Variants in SGCZ observed in about 807,000 individuals in gnomAD.
SGCZ encodes the protein sarcoglycan zeta.
In SGCZ, 40 loss-of-function variants were observed where a neutral mutation model predicts 41.3. That is an observed-to-expected ratio of 0.97 (90% CI 0.75 to 1.26). The LOEUF (loss-of-function observed/expected upper bound fraction) is 1.26, where lower values mean the gene tolerates loss of function less well. Ranked by LOEUF, SGCZ falls within the 50% of genes most tolerant of loss-of-function variation. SGCZ has a pLI of 0.00. For synonymous variants in SGCZ, 206 were observed against 137.5 expected (o/e 1.50, Z -3.49); for missense variants, 552 against 369.8 (o/e 1.49, Z -4.04).
chr8:14,706,164 G>C (rs949698260), intron 1 of SGCZ, among the ~76,000 whole-genome samples: 4 of 151,450 alleles, frequency 2.6e-5, no homozygotes, highest in African/African-American at 4.9e-5. Context: ...CTGTAAATTA[G>C]GAATATATCA....
chr8:14,768,838 G>T (rs1800131528), intron 1 of SGCZ, among the ~76,000 whole-genome samples: 1 of 151,964 alleles, frequency 6.6e-6, no homozygotes, highest in Non-Finnish European at 1.5e-5. Flanking sequence ...ATGGTACCCA[G>T]TAAGTCAGTC....
Position 14,406,162 on chromosome 8 carries a change from G to A in SGCZ, c.235-81958C>T, listed in dbSNP as rs1043103714. Among the ~76,000 whole-genome samples, 5 of 152,086 alleles carry A rather than the reference G, an allele frequency of 3.3e-5. No homozygotes were observed. The South Asian group carries it at 1.0e-3, about 32-fold the overall frequency. ...ACATATCAAGCTTATGCTTTCTGCA[G>A]AGAAGGCTTTGCCTTAATTTCTGCA... On this transcript the variant is annotated intron_variant, in intron 2 of 7. Coordinates refer to ENST00000382080, the MANE Select transcript of SGCZ (RefSeq NM_139167.4).
intron 3 of SGCZ, among the ~76,000 whole-genome samples, chr8:14,245,961 G>A (rs1036892830): frequency 8.5e-5 from 13 of 152,180 alleles, no homozygotes; most frequent in East Asian, 3.9e-4. Flanking sequence ...GTGCTGGAGA[G>A]GATGTGGAAA....
At chr8:15,153,520 C>T (rs920607468) in intron 1 of SGCZ, among the ~76,000 whole-genome samples, 5 of 152,022 alleles carry the variant, frequency 3.3e-5, no homozygotes, top group Non-Finnish European at 5.9e-5. Context: ...GAAATGTAAC[C>T]CCCAATGATG....
chr8:14,501,797 A>T (rs1043638507), intron 2 of SGCZ, among the ~76,000 whole-genome samples: 5 of 152,126 alleles, frequency 3.3e-5, no homozygotes, highest in Non-Finnish European at 5.9e-5. Flanking sequence ...CAACTCCAAA[A>T]TTTTAACCCA....
At chr8:15,208,940 T>G (rs1326753764) in intron 1 of SGCZ, among the ~76,000 whole-genome samples, 1 of 151,764 alleles carries the variant, frequency 6.6e-6, no homozygotes. Flanking sequence ...CCTAATACTA[T>G]CTAAAAGGAT....
intron 5 of SGCZ, among the ~76,000 whole-genome samples, chr8:14,118,755 G>T (rs2117029781): frequency 6.6e-6 from 1 of 152,198 alleles, no homozygotes; most frequent in South Asian, 2.1e-4. Context: ...GCTAGGAAAG[G>T]GTCCAGTGTC....
intron 1 of SGCZ, among the ~76,000 whole-genome samples, chr8:14,616,162 A>G (rs1480218559): frequency 3.3e-5 from 5 of 152,030 alleles, no homozygotes; most frequent in African/African-American, 1.2e-4. Context: ...GGGCGCCTCT[A>G]GTCCCAGCTA....
At chr8:15,233,416 A>T (rs1802021744) in intron 1 of SGCZ, among the ~76,000 whole-genome samples, 1 of 151,638 alleles carries the variant, frequency 6.6e-6, no homozygotes, top group African/African-American at 2.4e-5. Flanking sequence ...AGATGAATGT[A>T]CTATGACATT....
At chr8:14,315,693 C>T (rs537804559) in intron 3 of SGCZ, among the ~76,000 whole-genome samples, 1 of 151,456 alleles carries the variant, frequency 6.6e-6, no homozygotes, top group South Asian at 2.1e-4. Flanking sequence ...TTACTTGAAA[C>T]AGAAAATATT....
At chr8:14,408,411 A>ACC (rs1378043651) in intron 2 of SGCZ, among the ~76,000 whole-genome samples, 1 of 151,978 alleles carries the variant, frequency 6.6e-6, no homozygotes, top group Non-Finnish European at 1.5e-5. Context: ...CTCTCGTCCC[A>ACC]CCCCTAATAT....
At chr8:14,278,376 T>G (rs754804250) in intron 3 of SGCZ, among the ~76,000 whole-genome samples, 1 of 152,140 alleles carries the variant, frequency 6.6e-6, no homozygotes, top group Non-Finnish European at 1.5e-5. Context: ...AAACCGTGTA[T>G]AGTCACAACA....
At chr8:14,307,028 A>T (rs1801372449) in intron 3 of SGCZ, among the ~76,000 whole-genome samples, 1 of 152,188 alleles carries the variant, frequency 6.6e-6, no homozygotes, top group Non-Finnish European at 1.5e-5. Context: ...ATTTGCACTA[A>T]TTTGCATTTC....
intron 3 of SGCZ, among the ~76,000 whole-genome samples, chr8:14,289,667 T>C (rs774621147): frequency 2.1e-4 from 32 of 152,008 alleles, no homozygotes; most frequent in Admixed American, 1.6e-3. Flanking sequence ...CACACATTTA[T>C]AGCCAACTGA....
At chr8:14,456,863 G>C (rs1023215632) in intron 2 of SGCZ, among the ~76,000 whole-genome samples, 1 of 152,070 alleles carries the variant, frequency 6.6e-6, no homozygotes, top group Non-Finnish European at 1.5e-5. Flanking sequence ...ATAAGATCTG[G>C]TGGTTTAAAA....
chr8:14,519,519 A>C (rs1802725405), intron 2 of SGCZ, among the ~76,000 whole-genome samples: 1 of 152,162 alleles, frequency 6.6e-6, no homozygotes, highest in South Asian at 2.1e-4. Context: ...TTCATGTTAA[A>C]AAACACTTTA....
chr8:14,941,700 T>TATTA (rs1800280394), intron 1 of SGCZ, among the ~76,000 whole-genome samples: 2 of 151,964 alleles, frequency 1.3e-5, no homozygotes, highest in African/African-American at 4.8e-5. Context: ...TTTTTCTGAA[T>TATTA]ATTAGAGAGA....
chr8:14,423,801 C>A (rs1799701473), intron 2 of SGCZ, among the ~76,000 whole-genome samples: 1 of 152,064 alleles, frequency 6.6e-6, no homozygotes. Context: ...ATCATTTTTA[C>A]CACTCTCCCT....
At chr8:15,214,355 G>C (rs1801332019) in intron 1 of SGCZ, among the ~76,000 whole-genome samples, 1 of 152,048 alleles carries the variant, frequency 6.6e-6, no homozygotes. Flanking sequence ...ACTTTAAACA[G>C]TGTTTCACTT....
Sources: gnomAD v4.1 joint callset for allele counts (sites outside exome capture counted in the v4.1 genomes callset) on GRCh38, gnomAD v4.1.1 for gene constraint, MANE v1.5 for transcripts, NCBI Gene and HGNC (gene_info 2026-07-23, HGNC 2026-07-21) for gene names.